Variants in GRIA2 observed in about 807,000 individuals in gnomAD.
GRIA2 encodes the protein glutamate receptor 2.
In GRIA2, 14 loss-of-function variants were observed where a neutral mutation model predicts 97.3. That is an observed-to-expected ratio of 0.14 (90% confidence interval 0.10 to 0.23). GRIA2 has a LOEUF of 0.23. GRIA2 is among the 10% of genes least tolerant of loss of function. The pLI is 1.00. For missense variants in GRIA2, 558 were observed against 1,069.8 expected, an observed-to-expected ratio of 0.52 and a Z score of 6.67; for synonymous variants, 412 against 387.8, an observed-to-expected ratio of 1.06 and a Z score of -0.73.
intron 10 of GRIA2, 148 bp from the exon 11 acceptor site, chr4:157,336,229 T>G (rs2126939592): frequency 1.5e-6 from 1 of 686,202 alleles, no homozygotes; most frequent in East Asian, 2.5e-5. Flanking sequence ...AATTCCTTTT[T>G]GTTTATCCTT....
chr4:157,359,829 T>G, intron 12 of GRIA2, 67 bp from the exon 13 acceptor site: 2 of 1,403,818 alleles, frequency 1.4e-6, no homozygotes, highest in Non-Finnish European at 2.0e-6. Context: ...ATACCTCTTT[T>G]TGTGTTTTGT....
At chr4:157,283,635 T>C (rs1732707434) in intron 2 of GRIA2, among the ~76,000 whole-genome samples, 2 of 151,978 alleles carry the variant, frequency 1.3e-5, no homozygotes, top group Admixed American at 1.3e-4. Flanking sequence ...ATAAACCTTT[T>C]AGTGGCTTTA....
chr4:157,309,606 C>A (rs1410596766), intron 3 of GRIA2, among the ~76,000 whole-genome samples: 4 of 152,102 alleles, frequency 2.6e-5, no homozygotes, highest in African/African-American at 9.7e-5. Flanking sequence ...CCCACCGCAC[C>A]TGGCGCAAGT....
At chr4:157,258,336 G>C (rs1322025074) in intron 2 of GRIA2, among the ~76,000 whole-genome samples, 1 of 151,936 alleles carries the variant, frequency 6.6e-6, no homozygotes, top group African/African-American at 2.4e-5. Flanking sequence ...ATTCCTAGGG[G>C]GAGGTCTCTA....
intron 4 of GRIA2, among the ~76,000 whole-genome samples, chr4:157,314,825 CAAT>C (rs1202641955): frequency 6.6e-6 from 1 of 152,052 alleles, no homozygotes; most frequent in Non-Finnish European, 1.5e-5. Context: ...TGAGCACATG[CAAT>C]GGATGGCCTC....
At chr4:157,225,693 G>A (rs1392390941) in intron 2 of GRIA2, among the ~76,000 whole-genome samples, 1 of 144,458 alleles carries the variant, frequency 6.9e-6, no homozygotes, top group Non-Finnish European at 1.5e-5. Flanking sequence ...AGGCCTTCAT[G>A]CCTTTAGTGT....
intron 2 of GRIA2, among the ~76,000 whole-genome samples, chr4:157,286,581 C>T (rs1187899130): frequency 2.0e-5 from 3 of 151,332 alleles, no homozygotes; most frequent in African/African-American, 7.3e-5. Context: ...AATAGTAAAT[C>T]TGTTTATTTA....
intron 2 of GRIA2, among the ~76,000 whole-genome samples, chr4:157,244,618 G>A (rs1396284091): frequency 6.6e-6 from 1 of 152,012 alleles, no homozygotes; most frequent in Non-Finnish European, 1.5e-5. Flanking sequence ...AGGGATGTAA[G>A]GTTTGTTGTG....
At chr4:157,297,614 A>G (rs1428789199) in intron 2 of GRIA2, among the ~76,000 whole-genome samples, 2 of 152,134 alleles carry the variant, frequency 1.3e-5, no homozygotes, top group Non-Finnish European at 2.9e-5. Flanking sequence ...GCCAGGATTC[A>G]AACCCAGTTT....
chr4:157,302,111 T>G (rs1242135585), intron 2 of GRIA2, among the ~76,000 whole-genome samples: 1 of 149,836 alleles, frequency 6.7e-6, no homozygotes, highest in Non-Finnish European at 1.5e-5. Context: ...AGGCGGAGGT[T>G]GCAGTGAGGT....
chr4:157,340,437 T>C (rs969172121), intron 11 of GRIA2, among the ~76,000 whole-genome samples: 1 of 151,934 alleles, frequency 6.6e-6, no homozygotes, highest in Non-Finnish European at 1.5e-5. Context: ...AAGTAAATTA[T>C]TGGGTATCTA....
chr4:157,232,861 C>T (rs1036454694), intron 2 of GRIA2, among the ~76,000 whole-genome samples: 2 of 152,200 alleles, frequency 1.3e-5, no homozygotes, highest in East Asian at 1.9e-4. Flanking sequence ...AATTCTAGTC[C>T]TTGTACTAGA....
chr4:157,318,374 C>T (rs1278020082), intron 5 of GRIA2, among the ~76,000 whole-genome samples: 1 of 151,996 alleles, frequency 6.6e-6, no homozygotes. Flanking sequence ...AGATATTATG[C>T]ATTATTTATG....
chr4:157,305,098 G>A (rs1045666521), intron 3 of GRIA2, among the ~76,000 whole-genome samples: 3 of 152,050 alleles, frequency 2.0e-5, no homozygotes, highest in African/African-American at 2.4e-5. Flanking sequence ...TGTTTCCGAC[G>A]CACACTTATT....
At chr4:157,324,450 A>G (rs908701254) in intron 6 of GRIA2, among the ~76,000 whole-genome samples, 7 of 152,226 alleles carry the variant, frequency 4.6e-5, no homozygotes, top group Admixed American at 1.3e-4. Flanking sequence ...CTGATAAAAT[A>G]TGCCAGTTTC....
intron 6 of GRIA2, among the ~76,000 whole-genome samples, chr4:157,326,812 G>A (rs1734823012): frequency 6.6e-6 from 1 of 152,140 alleles, no homozygotes; most frequent in African/African-American, 2.4e-5. Flanking sequence ...GACATATTAA[G>A]GATTTCTTGT....
chr4:157,302,886 T>C (rs1733676640), intron 2 of GRIA2, among the ~76,000 whole-genome samples: 1 of 152,168 alleles, frequency 6.6e-6, no homozygotes. Context: ...AATACAATAC[T>C]ATATTATTAT....
At chr4:157,254,213 T>C (rs1253868136) in intron 2 of GRIA2, among the ~76,000 whole-genome samples, 1 of 152,000 alleles carries the variant, frequency 6.6e-6, no homozygotes, top group Non-Finnish European at 1.5e-5. Flanking sequence ...ATTAGATAAT[T>C]ATCTGGAAAA....
chr4:157,283,768 AC>A (rs1360619798), intron 2 of GRIA2, among the ~76,000 whole-genome samples: 1 of 151,964 alleles, frequency 6.6e-6, no homozygotes, highest in African/African-American at 2.4e-5. Flanking sequence ...GTAAATTAAG[AC>A]ACTCACTAGT....
Sources: allele counts gnomAD v4.1 joint callset (sites outside exome capture counted in the v4.1 genomes callset), GRCh38; gene constraint gnomAD v4.1.1; transcripts MANE v1.5; gene names NCBI Gene and HGNC (gene_info 2026-07-23, HGNC 2026-07-21).